Variants in MOB3B observed in about 807,000 individuals in gnomAD.
MOB3B encodes MOB kinase activator 3B.
MOB3B carries 7 observed loss-of-function variants against 18.7 expected under a neutral mutation model. The observed-to-expected ratio is 0.37, with a 90% CI of 0.21 to 0.70. The LOEUF (loss-of-function observed/expected upper bound fraction) is 0.70, where lower values mean the gene tolerates loss of function less well. MOB3B is among the 30% of genes least tolerant of loss of function. The pLI is 0.52. For missense variants in MOB3B, 253 were observed against 281.3 expected (o/e 0.90, Z 0.72); for synonymous variants, 111 against 99.9 (o/e 1.11, Z -0.66).
chr9:27,526,978 A>T (rs1820446198), intron 1 of MOB3B, among the ~76,000 whole-genome samples: 1 of 152,232 alleles, frequency 6.6e-6, no homozygotes, highest in Non-Finnish European at 1.5e-5. Context: ...TAAAGAACGC[A>T]TCAGCCCCTG....
chr9:27,460,923 G>C (rs1252021449), intron 1 of MOB3B, among the ~76,000 whole-genome samples: 1 of 152,148 alleles, frequency 6.6e-6, no homozygotes, highest in Non-Finnish European at 1.5e-5. Context: ...TGGATCTCCT[G>C]TCTTCAGTTA....
chr9:27,504,591 A>G (rs1003761376), intron 1 of MOB3B, among the ~76,000 whole-genome samples: 3 of 152,202 alleles, frequency 2.0e-5, no homozygotes, highest in Non-Finnish European at 4.4e-5. Flanking sequence ...GCAAGAAAGC[A>G]GGGCACACTA....
chr9:27,337,430 G>A (rs111364009), intron 3 of MOB3B, among the ~76,000 whole-genome samples: 12 of 152,156 alleles, frequency 7.9e-5, no homozygotes, highest in Non-Finnish European at 4.4e-5. Context: ...CAGCTGTGCT[G>A]GCGAGGTCTA....
intron 2 of MOB3B, chr9:27,397,549 G>A (rs1237210178): frequency 6.6e-6 from 1 of 152,138 alleles, no homozygotes; most frequent in Non-Finnish European, 1.5e-5. Context: ...TGGCTCTAAT[G>A]AGTGCAAATC....
rs1288815391 is a variant in MOB3B at position 27,500,424 on chromosome 9, AC to A, written c.-199+29130del. 1.8e-3 allele frequency among the ~76,000 whole-genome samples: 270 copies of A among 152,306 alleles called. 2 individuals are homozygous for A. Among genetic ancestry groups the A allele is most frequent in the African/African-American group, 6.3e-3 (262 of 41,574 alleles). On this transcript the variant is annotated intron_variant, in intron 1 of 3. Coordinates refer to ENST00000262244, the MANE Select transcript of MOB3B (RefSeq NM_024761.5). ...GATATAGACCAATGGAACAGAACAG[AC>A]GCCTCAGAAATAACACCACAAATCT...
chr9:27,410,193 G>C (rs1822043394), intron 2 of MOB3B, among the ~76,000 whole-genome samples: 1 of 152,168 alleles, frequency 6.6e-6, no homozygotes, highest in Non-Finnish European at 1.5e-5. Context: ...GAGGGCTCTT[G>C]GGAACCAGAG....
intron 2 of MOB3B, among the ~76,000 whole-genome samples, chr9:27,431,482 G>C (rs2131422838): frequency 6.6e-6 from 1 of 152,332 alleles, no homozygotes; most frequent in Non-Finnish European, 1.5e-5. Flanking sequence ...GCATCTTCTA[G>C]AAAGACAAAG....
At chr9:27,431,060 CAG>C (rs1393733951) in intron 2 of MOB3B, among the ~76,000 whole-genome samples, 3 of 152,150 alleles carry the variant, frequency 2.0e-5, no homozygotes, top group African/African-American at 4.8e-5. Context: ...CGATTTTGTG[CAG>C]AGTTAGAAAA....
intron 2 of MOB3B, among the ~76,000 whole-genome samples, chr9:27,404,383 G>T (rs1290054845): frequency 3.1e-5 from 3 of 97,058 alleles, no homozygotes. Flanking sequence ...TTGAGACAGA[G>T]TCTCGTTCTG....
At chr9:27,455,778 G>A in intron 1 of MOB3B, 30 bp from the exon 2 acceptor site, 2 of 1,411,140 alleles carry the variant, frequency 1.4e-6, no homozygotes, top group Non-Finnish European at 1.8e-6. Context: ...GGGAACACAT[G>A]AGTGCCCAGT....
intron 1 of MOB3B, chr9:27,524,388 A>G (rs759414167): frequency 6.8e-6 from 11 of 1,613,842 alleles, no homozygotes; most frequent in Non-Finnish European, 9.3e-6. Context: ...TGAGATCCTT[A>G]TGGGTATATT....
intron 3 of MOB3B, among the ~76,000 whole-genome samples, chr9:27,335,722 G>A (rs868656926): frequency 2.6e-5 from 4 of 151,922 alleles, no homozygotes; most frequent in Admixed American, 6.6e-5. Context: ...ACCCTTTAAC[G>A]CTCTTGACCA....
intron 2 of MOB3B, among the ~76,000 whole-genome samples, chr9:27,442,335 C>A (rs1377236797): frequency 6.6e-6 from 1 of 152,190 alleles, no homozygotes; most frequent in Non-Finnish European, 1.5e-5. Flanking sequence ...CATCCTAATT[C>A]CGTTTTCCTA....
chr9:27,442,003 C>T (rs1256380827), intron 2 of MOB3B, among the ~76,000 whole-genome samples: 1 of 152,098 alleles, frequency 6.6e-6, no homozygotes, highest in Non-Finnish European at 1.5e-5. Flanking sequence ...TTCTGTTAAA[C>T]CAGACGTTAA....
chr9:27,339,332 G>A (rs1289937629), intron 3 of MOB3B, among the ~76,000 whole-genome samples: 1 of 152,178 alleles, frequency 6.6e-6, no homozygotes, highest in Non-Finnish European at 1.5e-5. Context: ...TCCAGTAGGG[G>A]CTGACATCAG....
At chr9:27,468,059 C>T (rs1208130770) in intron 1 of MOB3B, among the ~76,000 whole-genome samples, 4 of 152,124 alleles carry the variant, frequency 2.6e-5, no homozygotes, top group African/African-American at 7.2e-5. Context: ...AGAGACTCTT[C>T]GTGACATTAG....
At chr9:27,461,511 C>T (rs1563874640) in intron 1 of MOB3B, among the ~76,000 whole-genome samples, 1 of 152,218 alleles carries the variant, frequency 6.6e-6, no homozygotes, top group Non-Finnish European at 1.5e-5. Flanking sequence ...CTTGCTGCCT[C>T]ATTTTAATCT....
intron 2 of MOB3B, chr9:27,394,271 T>A (rs556093013): frequency 7.2e-5 from 11 of 152,152 alleles, no homozygotes; most frequent in Non-Finnish European, 1.5e-4. Flanking sequence ...GGTGAGTGGT[T>A]ATTTTGGAAG....
chr9:27,368,349 T>TACACACAC (rs747975520), intron 2 of MOB3B, among the ~76,000 whole-genome samples: 6 of 115,780 alleles, frequency 5.2e-5, no homozygotes, highest in Admixed American at 9.3e-5. Context: ...TACACACACA[T>TACACACAC]ACATACACAC....
Sources: gnomAD v4.1 joint callset for allele counts (sites outside exome capture counted in the v4.1 genomes callset) on GRCh38, gnomAD v4.1.1 for gene constraint, MANE v1.5 for transcripts, NCBI Gene and HGNC (gene_info 2026-07-23, HGNC 2026-07-21) for gene names.